TULP4: variants seen among roughly 807,000 people sequenced by gnomAD.
The protein encoded by TULP4 is tubby-related protein 4.
A neutral mutation model predicts 129.0 loss-of-function variants in TULP4; 16 were observed. The observed-to-expected ratio is 0.12, with a 90% CI of 0.08 to 0.19. The LOEUF (loss-of-function observed/expected upper bound fraction) is 0.19, where lower values mean the gene tolerates loss of function less well. Ranked by LOEUF, TULP4 falls within the 10% of genes least tolerant of loss-of-function variation. TULP4 has a pLI of 1.00. For missense variants in TULP4, 1,842 were observed against 2,059.1 expected (o/e 0.89, Z 2.04); for synonymous variants, 998 against 854.0 (o/e 1.17, Z -2.94).
chr6:158,324,721 CTTT>C (rs1275288363), intron 1 of TULP4, among the ~76,000 whole-genome samples: 1 of 152,092 alleles, frequency 6.6e-6, no homozygotes, highest in Admixed American at 6.5e-5. Context: ...CTCTCTACAG[CTTT>C]GTATTAATAT....
intron 1 of TULP4, among the ~76,000 whole-genome samples, chr6:158,302,824 C>G (rs1183964053): frequency 6.6e-6 from 1 of 151,970 alleles, no homozygotes; most frequent in Non-Finnish European, 1.5e-5. Context: ...CAGCCCCCCA[C>G]TGTGTCAGCA....
intron 1 of TULP4, among the ~76,000 whole-genome samples, chr6:158,283,143 A>C (rs1042063843): frequency 2.6e-5 from 4 of 151,638 alleles, no homozygotes; most frequent in Non-Finnish European, 5.9e-5. Context: ...CGTCTCAAAA[A>C]AAAAAAAACA....
At chr6:158,419,639 T>G (rs1375744726) in intron 2 of TULP4, among the ~76,000 whole-genome samples, 1 of 152,218 alleles carries the variant, frequency 6.6e-6, no homozygotes, top group Non-Finnish European at 1.5e-5. Context: ...GAGAAAGATG[T>G]ATCTTGCAAA....
intron 1 of TULP4, among the ~76,000 whole-genome samples, chr6:158,335,274 CAAAAA>C (rs61418142): frequency 2.5e-5 from 3 of 121,558 alleles, no homozygotes; most frequent in Non-Finnish European, 3.5e-5. Flanking sequence ...GAGACTGTCT[CAAAAA>C]AAAAAAAAAA....
chr6:158,346,292 T>G (rs1780310661), intron 1 of TULP4, among the ~76,000 whole-genome samples: 1 of 152,236 alleles, frequency 6.6e-6, no homozygotes, highest in African/African-American at 2.4e-5. Context: ...TAAGAAATTA[T>G]GAAAGTATTA....
intron 1 of TULP4, 116 bp downstream of exon 1, chr6:158,314,384 C>G: frequency 8.0e-7 from 1 of 1,255,542 alleles, no homozygotes; most frequent in Non-Finnish European, 1.1e-6. Context: ...GTGAGACTTC[C>G]CATGCTGTGA....
chr6:158,403,003 A>G (rs370558219), intron 1 of TULP4, among the ~76,000 whole-genome samples: 4 of 151,246 alleles, frequency 2.6e-5, no homozygotes, highest in South Asian at 4.2e-4. Context: ...TTATATATTT[A>G]TAGTCTTGTT....
At chr6:158,343,005 G>C (rs998296691) in intron 1 of TULP4, among the ~76,000 whole-genome samples, 2 of 148,374 alleles carry the variant, frequency 1.3e-5, no homozygotes, top group African/African-American at 5.0e-5. Flanking sequence ...CCTCCACCAG[G>C]ACAGCCCCCG....
chr6:158,251,653 GTC>G lies in TULP4; in HGVS notation n.68+19356_68+19357del, dbSNP rs1461564265. Among the ~76,000 whole-genome samples the G allele has an allele frequency of 3.9e-5, 6 of 152,300 alleles. No individual in the cohort carries two copies. The East Asian group carries it at 1.2e-3, about 29-fold the overall frequency. ...AGATGCTTTTTCTTTGGATATGTGA[GTC>G]TCTCTAAAAATCCAGGTAAATGGGG... On this transcript the variant is annotated intron_variant and non_coding_transcript_variant, in intron 1 of 1. Coordinates refer to the TULP4 transcript ENST00000620026.
At chr6:158,282,130 T>G (rs913279177), upstream of TULP4, 3 of 152,200 alleles carry the variant, frequency 2.0e-5, no homozygotes, top group East Asian at 3.9e-4. Flanking sequence ...TATATTCTTC[T>G]CGGAAAGAGT....
chr6:158,429,983 G>A, intron 3 of TULP4, 86 bp downstream of exon 3: 1 of 1,269,770 alleles, frequency 7.9e-7, no homozygotes, highest in Non-Finnish European at 1.1e-6. Context: ...GGGAGCTGGT[G>A]CAAAAGCCTC....
chr6:158,484,897 C>A (rs1336432264), intron 8 of TULP4, among the ~76,000 whole-genome samples: 1 of 152,334 alleles, frequency 6.6e-6, no homozygotes, highest in East Asian at 1.9e-4. Context: ...TCTGGAGAAC[C>A]CTGACTAATA....
chr6:158,240,768 C>T (rs1404230684), intron 1 of TULP4, among the ~76,000 whole-genome samples: 7 of 140,068 alleles, frequency 5.0e-5, no homozygotes, highest in Middle Eastern at 3.9e-3. Context: ...ACCTCCCTCC[C>T]GGTCGGCACG....
chr6:158,427,246 A>G (rs1778516399), intron 2 of TULP4, among the ~76,000 whole-genome samples: 1 of 152,184 alleles, frequency 6.6e-6, no homozygotes, highest in African/African-American at 2.4e-5. Context: ...ACTATATGGT[A>G]CCATTCGTGC....
chr6:158,289,159 T>C (rs1250415989), intron 1 of TULP4, among the ~76,000 whole-genome samples: 1 of 152,222 alleles, frequency 6.6e-6, no homozygotes, highest in East Asian at 1.9e-4. Flanking sequence ...ATTGTGTTTC[T>C]TAGGAATTTA....
At chr6:158,337,004 G>A (rs1209388552) in intron 1 of TULP4, among the ~76,000 whole-genome samples, 1 of 147,554 alleles carries the variant, frequency 6.8e-6, no homozygotes, top group Non-Finnish European at 1.5e-5. Flanking sequence ...GGAAAGGAAA[G>A]GTTATGAGCT....
intron 13 of TULP4, among the ~76,000 whole-genome samples, chr6:158,504,384 TGGCCCA>T (rs984384347): frequency 7.2e-5 from 11 of 152,082 alleles, no homozygotes; most frequent in Non-Finnish European, 1.5e-4. Flanking sequence ...TCTCGCTCTG[TGGCCCA>T]GGCTGGAGTG....
At chr6:158,359,673 T>C (rs1306692379) in intron 1 of TULP4, among the ~76,000 whole-genome samples, 1 of 152,126 alleles carries the variant, frequency 6.6e-6, no homozygotes, top group Non-Finnish European at 1.5e-5. Context: ...CTGACTCAAA[T>C]GTTAATCTCC....
At chr6:158,259,566 C>T (rs4710152) in intron 1 of TULP4, among the ~76,000 whole-genome samples, 1 of 151,964 alleles carries the variant, frequency 6.6e-6, no homozygotes, top group Non-Finnish European at 1.5e-5. Flanking sequence ...ACTAAATATC[C>T]GAACAGTGGC....
Sources: gnomAD v4.1 joint callset for allele counts (sites outside exome capture counted in the v4.1 genomes callset) on GRCh38, gnomAD v4.1.1 for gene constraint, MANE v1.5 for transcripts, NCBI Gene and HGNC (gene_info 2026-07-23, HGNC 2026-07-21) for gene names.